COP1: variants seen among roughly 807,000 people sequenced by gnomAD.
COP1 encodes COP1 E3 ubiquitin ligase, also known as E3 ubiquitin-protein ligase COP1.
Under a neutral mutation model 101.3 loss-of-function variants are expected in COP1, and 24 were observed. That is an observed-to-expected ratio of 0.24 (90% CI 0.17 to 0.33). COP1 has a LOEUF of 0.33. Among genes scored for constraint, COP1 ranks in the 10% least tolerant of loss-of-function variants. The pLI is 1.00. For missense variants in COP1, 663 were observed against 906.2 expected (o/e 0.73, Z 3.45); for synonymous variants, 347 against 341.9 (o/e 1.01, Z -0.17).
In COP1 at chr1:176,042,656, A is replaced by T. The variant is rs1366786768; in HGVS notation, c.1612+530T>A. ...TGAGGTAGGAGAATTGCTTGAACGC[A>T]GGAGGTGGAGGTTGCAGTGAGCCGA... is the stretch of plus-strand genomic sequence containing the variant. On this transcript the variant is annotated intron_variant, in intron 14 of 19. Transcript: ENST00000367669. Among the ~76,000 whole-genome samples the T allele has an allele frequency of 2.2e-5, 3 of 135,150 alleles. No individual in the cohort carries two copies. The East Asian group carries it at 7.3e-4, about 33-fold the overall frequency. 88.7% of individuals were successfully genotyped at this position (135,150 alleles called of 152,430 possible).
chr1:175,956,947 T>G (rs12125119), intron 18 of COP1, among the ~76,000 whole-genome samples: 10,579 of 152,010 alleles, frequency 0.07, 460 homozygotes, highest in Non-Finnish European at 0.087. Context: ...TAACAAAAAA[T>G]GTTTAAAAAG....
At chr1:176,138,360 G>A (rs1446226904) in intron 6 of COP1, among the ~76,000 whole-genome samples, 1 of 152,126 alleles carries the variant, frequency 6.6e-6, no homozygotes, top group Non-Finnish European at 1.5e-5. Context: ...GGGCAAAGTC[G>A]CAGCCAGAAA....
At chr1:176,029,792 A>G (rs1157106226) in intron 14 of COP1, among the ~76,000 whole-genome samples, 1 of 152,244 alleles carries the variant, frequency 6.6e-6, no homozygotes, top group Admixed American at 6.5e-5. Flanking sequence ...AATAAATACC[A>G]CTTCTATGAA....
chr1:176,122,273 C>A (rs1464664158), intron 8 of COP1, among the ~76,000 whole-genome samples: 3 of 152,060 alleles, frequency 2.0e-5, no homozygotes, highest in Admixed American at 2.0e-4. Flanking sequence ...CATCTGACAT[C>A]ATGTTTTAAC....
chr1:176,051,122 AT>A (rs1156414280), intron 11 of COP1, among the ~76,000 whole-genome samples: 37 of 152,354 alleles, frequency 2.4e-4, no homozygotes, highest in African/African-American at 8.4e-4. Context: ...CAGACAATAT[AT>A]GCAAATGTCA....
intron 9 of COP1, among the ~76,000 whole-genome samples, chr1:176,113,386 G>T (rs916935817): frequency 6.6e-6 from 1 of 151,992 alleles, no homozygotes; most frequent in Non-Finnish European, 1.5e-5. Context: ...TTTTTAAATT[G>T]GATTATTATT....
intron 6 of COP1, among the ~76,000 whole-genome samples, chr1:176,143,495 A>G (rs993000040): frequency 6.6e-6 from 1 of 152,192 alleles, no homozygotes. Flanking sequence ...ACATTTCCCA[A>G]CACATTTGAT....
chr1:176,007,892 G>A (rs1366918217), intron 15 of COP1, among the ~76,000 whole-genome samples: 3 of 152,234 alleles, frequency 2.0e-5, no homozygotes, highest in Non-Finnish European at 4.4e-5. Context: ...CTTCCTGGCT[G>A]CTTTGTTTAC....
intron 15 of COP1, among the ~76,000 whole-genome samples, chr1:176,016,877 AG>A (rs1665757111): frequency 6.6e-6 from 1 of 152,222 alleles, no homozygotes; most frequent in Non-Finnish European, 1.5e-5. Flanking sequence ...CTGCCAGTCT[AG>A]GAACACATTA....
intron 1 of COP1, among the ~76,000 whole-genome samples, chr1:176,197,758 T>A (rs1300378520): frequency 1.3e-5 from 2 of 152,208 alleles, no homozygotes; most frequent in Non-Finnish European, 2.9e-5. Context: ...AACATGACTG[T>A]TTTCTTACAA....
chr1:175,947,463 T>G (rs960764528), intron 18 of COP1: 5 of 428,934 alleles, frequency 1.2e-5, no homozygotes, highest in African/African-American at 1.0e-4. Context: ...CTCCACTTCC[T>G]GGGTTCAAGC....
At chr1:175,956,690 G>T (rs1053495963) in intron 18 of COP1, among the ~76,000 whole-genome samples, 2 of 152,128 alleles carry the variant, frequency 1.3e-5, no homozygotes, top group Admixed American at 1.3e-4. Context: ...TTTGGTCAAC[G>T]ATGGGTCACA....
In COP1 at chr1:176,193,741, G is replaced by C. The variant is rs542955780; in HGVS notation, c.408-9049C>G. Among the ~76,000 whole-genome samples, 17 of 152,262 alleles carry C rather than the reference G, an allele frequency of 1.1e-4. No individual in the cohort carries two copies. The South Asian group carries it at 3.3e-3, about 30-fold the overall frequency. On this transcript the variant is annotated intron_variant, in intron 1 of 19. Coordinates refer to ENST00000367669, the MANE Select transcript of COP1 (RefSeq NM_022457.7). ...TTATATGATTGCATTTATATGAAGT[G>C]TCTGGAATAGGTAAATTCACAGAGA...
chr1:176,116,804 T>C, intron 8 of COP1, 123 bp from the exon 9 acceptor site: 2 of 694,046 alleles, frequency 2.9e-6, no homozygotes, highest in Non-Finnish European at 2.5e-6. Context: ...AAGAAAATAT[T>C]TATTGCCAAT....
chr1:176,168,414 G>A (rs2149995223), intron 3 of COP1, among the ~76,000 whole-genome samples: 1 of 149,464 alleles, frequency 6.7e-6, no homozygotes, highest in East Asian at 2.0e-4. Context: ...TGGGTGGGGG[G>A]AGTACGGGGG....
At chr1:175,955,731 AG>A (rs2148509281) in intron 18 of COP1, among the ~76,000 whole-genome samples, 1 of 148,734 alleles carries the variant, frequency 6.7e-6, no homozygotes, top group South Asian at 2.1e-4. Context: ...TACCATTTAT[AG>A]TACCATAAAA....
chr1:176,129,653 G>C (rs750139136), intron 8 of COP1, among the ~76,000 whole-genome samples: 14 of 151,820 alleles, frequency 9.2e-5, no homozygotes, highest in Non-Finnish European at 1.8e-4. Context: ...GAAGGAGATA[G>C]AGAAGCTTCA....
intron 11 of COP1, among the ~76,000 whole-genome samples, chr1:176,061,806 A>G (rs1674898369): frequency 6.6e-6 from 1 of 152,196 alleles, no homozygotes; most frequent in African/African-American, 2.4e-5. Context: ...AGGATAGAAA[A>G]ATTTTAAAAA....
chr1:176,050,102 T>C (rs1403050542), intron 11 of COP1, among the ~76,000 whole-genome samples: 1 of 152,232 alleles, frequency 6.6e-6, no homozygotes, highest in Non-Finnish European at 1.5e-5. Context: ...AATTTCAACA[T>C]ACAAGTATAC....
Sources: gnomAD v4.1 joint callset for allele counts (sites outside exome capture counted in the v4.1 genomes callset) on GRCh38, gnomAD v4.1.1 for gene constraint, MANE v1.5 for transcripts, NCBI Gene and HGNC (gene_info 2026-07-23, HGNC 2026-07-21) for gene names.